The following RAB3B variants were observed in gnomAD, a reference collection of about 807,000 sequenced individuals.
RAB3B encodes ras-related protein Rab-3B.
A neutral mutation model predicts 20.5 loss-of-function variants in RAB3B; 11 were observed. The ratio of observed to expected loss-of-function variants is 0.54; its 90% CI spans 0.34 to 0.89. The LOEUF is 0.89. Among genes scored for constraint, RAB3B ranks in the 40% least tolerant of loss-of-function variants. The pLI, the probability that RAB3B is intolerant of heterozygous loss-of-function variation, is 0.02. For missense variants in RAB3B, 225 were observed against 280.9 expected (o/e 0.80, Z 1.42); for synonymous variants, 99 against 106.3 (o/e 0.93, Z 0.42).
intron 1 of RAB3B, among the ~76,000 whole-genome samples, chr1:51,978,417 A>G (rs1685038139): frequency 6.6e-6 from 1 of 152,196 alleles, no homozygotes; most frequent in African/African-American, 2.4e-5. Flanking sequence ...AGATGTGAAC[A>G]TATGTCCTTA....
intron 2 of RAB3B, among the ~76,000 whole-genome samples, chr1:51,963,731 C>A (rs1366579428): frequency 6.6e-6 from 1 of 152,142 alleles, no homozygotes; most frequent in Non-Finnish European, 1.5e-5. Flanking sequence ...AGAACTCGAA[C>A]CAGCACATGG....
At chr1:51,956,904 C>G (rs1684714305) in intron 2 of RAB3B, among the ~76,000 whole-genome samples, 1 of 152,206 alleles carries the variant, frequency 6.6e-6, no homozygotes, top group South Asian at 2.1e-4. Context: ...TGAAGCCATA[C>G]AGCTGGTAAA....
rs557311376 is a variant in RAB3B, at chr1:51,933,393, C to G, written c.397G>C (p.Val133Leu). 6.2e-7 allele frequency: 1 copy of G among 1,613,754 alleles called. No homozygotes were observed. The highest frequency in any genetic ancestry group is 1.7e-5 in the Admixed American group (1 of 60,018). Residue 133 changes from valine to leucine, a missense_variant, in exon 4 of 5, where the codon GTG becomes CTG. Val to Leu is a conservative substitution (Grantham distance 32, BLOSUM62 1). Coordinates refer to ENST00000371655, the MANE Select transcript of RAB3B (RefSeq NM_002867.4). ...TCCTCCATGTCACACTTGTTCCCCA[C>G]CAGAATAACTTGTGCATTGTCCCAG... Reference protein sequence around the residue: ...YSWDNAQVILVGNKCDMEEER... With the variant: ...YSWDNAQVILLGNKCDMEEER...
chr1:51,985,586 C>T (rs964456577), intron 1 of RAB3B, among the ~76,000 whole-genome samples: 1 of 152,078 alleles, frequency 6.6e-6, no homozygotes. Flanking sequence ...GTAAACTTGG[C>T]CTAGTTACTT....
Position 51,917,924 on chromosome 1 carries a change from A to C in RAB3B, c.*2003T>G, listed in dbSNP as rs1271371535. On this transcript the variant is annotated 3_prime_UTR_variant, in exon 5 of 5. Coordinates refer to ENST00000371655, the MANE Select transcript of RAB3B (RefSeq NM_002867.4). Reference sequence around the variant, plus strand: ...AGGACAATGAGCCTCATTTGAAATGAAAAGAAAACTGGCGAGAGACTCCTC... The same window carrying C: ...AGGACAATGAGCCTCATTTGAAATGCAAAGAAAACTGGCGAGAGACTCCTC... 6.6e-6 allele frequency: 1 copy of C among 152,142 alleles called. No individual in the cohort carries two copies. Among genetic ancestry groups the C allele is most frequent in the Non-Finnish European group, 1.5e-5 (1 of 68,022 alleles). The allele number at this position is 152,142 out of a possible 1,614,324, so 9.4% of individuals were successfully genotyped here.
At chr1:51,947,562 A>G (rs1183323299) in intron 2 of RAB3B, among the ~76,000 whole-genome samples, 1 of 152,142 alleles carries the variant, frequency 6.6e-6, no homozygotes, top group Non-Finnish European at 1.5e-5. Flanking sequence ...CCAGGGACCA[A>G]CAATCTCCCC....
chr1:51,980,752 G>A, intron 1 of RAB3B: 1 of 755,050 alleles, frequency 1.3e-6, no homozygotes, highest in Non-Finnish European at 2.4e-6. Context: ...AGCCCGCAAG[G>A]ACCAAACACC....
intron 2 of RAB3B, among the ~76,000 whole-genome samples, chr1:51,974,706 G>A (rs753418873): frequency 2.6e-5 from 4 of 152,198 alleles, no homozygotes; most frequent in Non-Finnish European, 4.4e-5. Context: ...TTATAGCAGT[G>A]TTGTTGACCT....
rs71041868 is a variant in RAB3B, at chr1:51,967,521, C to CTTTTTTTTTTTTTT, written c.228+9355_228+9368dup. Among the ~76,000 whole-genome samples the CTTTTTTTTTTTTTT allele has an allele frequency of 2.1e-3, 78 of 36,506 alleles. 24 individuals carry two copies. Among genetic ancestry groups the CTTTTTTTTTTTTTT allele is most frequent in the African/African-American group, 2.7e-3 (39 of 14,620 alleles). The allele number at this position is 36,506 out of a possible 152,430, so 23.9% of individuals were successfully genotyped here. On this transcript the variant is annotated intron_variant, in intron 2 of 4. Coordinates refer to ENST00000371655, the MANE Select transcript of RAB3B (RefSeq NM_002867.4). ...TTCCTTTTTCTTTTCTTTTCTTTTT[C>CTTTTTTTTTTTTTT]TTTTTTTTTTTTTTTTTTGAGATAG...
chr1:51,968,979 T>C (rs1396478344), intron 2 of RAB3B, among the ~76,000 whole-genome samples: 1 of 152,228 alleles, frequency 6.6e-6, no homozygotes. Context: ...ATGGTCACTC[T>C]TATCTATGTC....
At chr1:51,948,708 CATGCTCCAATTAT>C (rs1335449910) in intron 2 of RAB3B, among the ~76,000 whole-genome samples, 2 of 152,202 alleles carry the variant, frequency 1.3e-5, no homozygotes, top group Non-Finnish European at 2.9e-5. Context: ...GGAAAAGTCA[CATGCTCCAATTAT>C]ATGCTTTCCT....
At chr1:51,947,488 T>C (rs1684581137) in intron 2 of RAB3B, among the ~76,000 whole-genome samples, 1 of 152,112 alleles carries the variant, frequency 6.6e-6, no homozygotes, top group Admixed American at 6.6e-5. Context: ...CTTGATTCTC[T>C]TTAGCCCCCA....
chr1:51,989,102 C>T (rs191903697), intron 1 of RAB3B, among the ~76,000 whole-genome samples: 1 of 98,184 alleles, frequency 1.0e-5, no homozygotes, highest in Non-Finnish European at 2.1e-5. Context: ...CCTGTGCGCG[C>T]GCACACACAC....
intron 1 of RAB3B, among the ~76,000 whole-genome samples, chr1:51,985,637 A>G (rs1685141179): frequency 6.6e-6 from 1 of 152,174 alleles, no homozygotes; most frequent in South Asian, 2.1e-4. Context: ...AATAATACTT[A>G]CTTCACGAGG....
At chr1:51,927,507 G>A (rs1684260208) in intron 4 of RAB3B, among the ~76,000 whole-genome samples, 1 of 152,216 alleles carries the variant, frequency 6.6e-6, no homozygotes. Flanking sequence ...TGGGCATGGT[G>A]GCTCAAGCCT....
chr1:51,949,194 C>T (rs527241268), intron 2 of RAB3B, among the ~76,000 whole-genome samples: 84 of 152,330 alleles, frequency 5.5e-4, no homozygotes, highest in South Asian at 1.7e-3. Context: ...TTCCCAAACA[C>T]GCAGCTCCTT....
intron 2 of RAB3B, among the ~76,000 whole-genome samples, chr1:51,965,248 A>C (rs2794988): frequency 0.23 from 35,130 of 151,650 alleles, 4,598 homozygotes; most frequent in Non-Finnish European, 0.29. Context: ...GAAAAAAAGA[A>C]AGAAAGAAAG....
At chr1:51,970,069 C>CA (rs112681651) in intron 2 of RAB3B, among the ~76,000 whole-genome samples, 3,747 of 135,120 alleles carry the variant, frequency 0.028, 85 homozygotes, top group African/African-American at 0.068. Flanking sequence ...GACCCTATCT[C>CA]AAAAAAAAAA....
chr1:51,947,956 C>T (rs1047631144), intron 2 of RAB3B, among the ~76,000 whole-genome samples: 8 of 152,226 alleles, frequency 5.3e-5, no homozygotes, highest in Middle Eastern at 3.4e-3. Context: ...TTCTTCCTTT[C>T]GTTGAGCTGA....
Sources: allele counts gnomAD v4.1 joint callset (sites outside exome capture counted in the v4.1 genomes callset), GRCh38; gene constraint gnomAD v4.1.1; transcripts MANE v1.5; gene names NCBI Gene and HGNC (gene_info 2026-07-23, HGNC 2026-07-21).